SECISBP2: variants seen among roughly 807,000 people sequenced by gnomAD.
SECISBP2 encodes selenocysteine insertion sequence-binding protein 2.
SECISBP2 carries 96 observed loss-of-function variants against 98.2 expected under a neutral mutation model. The ratio of observed to expected loss-of-function variants is 0.98; its 90% CI spans 0.83 to 1.16. The LOEUF is 1.16. Ranked by LOEUF, SECISBP2 falls within the 50% of genes most tolerant of loss-of-function variation. The probability of loss-of-function intolerance (pLI) is 0.00; values close to 1 mark genes in which losing one functional copy is unlikely to be tolerated. For missense variants in SECISBP2, 1,046 were observed against 1,022.9 expected (o/e 1.02, Z -0.31); for synonymous variants, 407 against 370.2 (o/e 1.10, Z -1.14).
chr9:89,336,645 A>G (rs541364636), intron 7 of SECISBP2, among the ~76,000 whole-genome samples: 1 of 151,210 alleles, frequency 6.6e-6, no homozygotes, highest in African/African-American at 2.4e-5. Flanking sequence ...CAGTATGTGT[A>G]AGGGAGAGAC....
intron 4 of SECISBP2, among the ~76,000 whole-genome samples, chr9:89,327,205 G>T (rs867390673): frequency 2.0e-5 from 3 of 152,088 alleles, no homozygotes; most frequent in South Asian, 2.1e-4. Context: ...CCCGTATAGG[G>T]CACTTACCAT....
intron 2 of SECISBP2, among the ~76,000 whole-genome samples, chr9:89,320,845 T>A (rs1347271204): frequency 1.3e-5 from 2 of 152,108 alleles, no homozygotes; most frequent in Non-Finnish European, 2.9e-5. Context: ...TTGCATCAGG[T>A]GTAGTTCTAA....
intron 2 of SECISBP2, among the ~76,000 whole-genome samples, chr9:89,321,959 A>C (rs1343717034): frequency 6.6e-6 from 1 of 152,222 alleles, no homozygotes; most frequent in Non-Finnish European, 1.5e-5. Context: ...TTTCTGAAAC[A>C]ACTATTTCCT....
downstream of SECISBP2, chr9:89,361,085 G>A (rs188433997): frequency 1.3e-5 from 2 of 152,332 alleles, no homozygotes; most frequent in Admixed American, 1.3e-4. Context: ...GAAAACTTCA[G>A]GTTATGAGTA....
intron 10 of SECISBP2, 51 bp from the exon 11 acceptor site, chr9:89,346,831 G>A: frequency 6.2e-7 from 1 of 1,610,602 alleles, no homozygotes. Flanking sequence ...CCAAGAGCTG[G>A]GTGGGGCATC....
chr9:89,348,176 G>A lies in SECISBP2; in HGVS notation c.1700G>A (p.Gly567Asp), dbSNP rs779696553. The A allele has an allele frequency of 6.2e-7, 1 of 1,614,184 alleles. No individual in the cohort carries two copies. The highest frequency in any genetic ancestry group is 2.2e-5 in the East Asian group (1 of 44,896). ...GATGACACACAAGATGGAGAGAGTG[G>A]TGGTGATGACCAGTTTCCCGAGCAG... ...TSDDTQDGESGGDDQFPEQAE... is the reference protein window; with the variant it reads ...TSDDTQDGESDGDDQFPEQAE... Residue 567 changes from glycine to aspartate, a missense_variant, in exon 12 of 17, where the codon GGT (glycine) becomes GAT (aspartate). Transcript: ENST00000375807.
At chr9:89,322,355 T>G (rs1204881108) in intron 2 of SECISBP2, 2 of 152,266 alleles carry the variant, frequency 1.3e-5, no homozygotes, top group African/African-American at 2.4e-5. Flanking sequence ...TGTTACATCC[T>G]TTGTGAAAAA....
chr9:89,319,570 G>A (rs1280409623), intron 1 of SECISBP2, 82 bp from the exon 2 acceptor site: 1 of 1,503,190 alleles, frequency 6.7e-7, no homozygotes, highest in African/African-American at 1.4e-5. Flanking sequence ...GGGCTATTAG[G>A]AACACCTCTT....
At chr9:89,318,984 C>T (rs1587826847) in intron 1 of SECISBP2, 2 of 1,072,390 alleles carry the variant, frequency 1.9e-6, no homozygotes, top group Non-Finnish European at 2.3e-6. Context: ...CGTCATTCTC[C>T]GCTCTACGTA....
chr9:89,345,001 T>C (rs1830220732), intron 10 of SECISBP2, among the ~76,000 whole-genome samples: 1 of 152,240 alleles, frequency 6.6e-6, no homozygotes, highest in Non-Finnish European at 1.5e-5. Context: ...TCTGGTAGTA[T>C]TTCTTCTGGA....
downstream of SECISBP2, among the ~76,000 whole-genome samples, chr9:89,362,768 G>A (rs762630075): frequency 2.0e-5 from 3 of 152,252 alleles, no homozygotes; most frequent in South Asian, 2.1e-4. Context: ...TGGCAGCCAC[G>A]TAACCCACAC....
At chr9:89,334,275 C>A in intron 6 of SECISBP2, 2 of 1,091,642 alleles carry the variant, frequency 1.8e-6, no homozygotes, top group Non-Finnish European at 2.5e-6. Context: ...CCTCCAACCC[C>A]CAGGTTAAAA....
At chr9:89,321,151 G>A (rs1212157697) in intron 2 of SECISBP2, among the ~76,000 whole-genome samples, 1 of 152,230 alleles carries the variant, frequency 6.6e-6, no homozygotes, top group East Asian at 1.9e-4. Context: ...GTAAAGGGGA[G>A]TTTGGCATGG....
At chr9:89,349,682 G>T in intron 12 of SECISBP2, 94 bp from the exon 13 acceptor site, 1 of 1,318,090 alleles carries the variant, frequency 7.6e-7, no homozygotes, top group South Asian at 1.2e-5. Flanking sequence ...GTGTGCAGGG[G>T]TCTGGTTGCA....
At chr9:89,319,620 G>A (rs866219338) in intron 1 of SECISBP2, 32 bp from the exon 2 acceptor site, 1 of 1,613,236 alleles carries the variant, frequency 6.2e-7, no homozygotes, top group African/African-American at 1.3e-5. Flanking sequence ...ATCTCTGAAT[G>A]TTTGTGGCCA....
At chr9:89,361,334 A>AAAAC, downstream of SECISBP2, 1 of 152,396 alleles carries the variant, frequency 6.6e-6, no homozygotes, top group South Asian at 2.1e-4. Flanking sequence ...GAGGGGATGC[A>AAAAC]AAACAGGTCA....
rs1829080656 is a variant in SECISBP2 at position 89,338,185 on chromosome 9, A to G, written c.1090-273A>G. Reference sequence around the variant, plus strand: ...TGGGATCAGGAAGGTCACGAACACCATGATCTCCTCAAGCTGAAAACTAGG... The same window carrying G: ...TGGGATCAGGAAGGTCACGAACACCGTGATCTCCTCAAGCTGAAAACTAGG... On this transcript the variant is annotated intron_variant, in intron 7 of 16. Transcript: ENST00000375807. 2.0e-5 allele frequency among the ~76,000 whole-genome samples: 3 copies of G among 152,230 alleles called. No individual in the cohort carries two copies. The South Asian group carries it at 6.2e-4, about 31-fold the overall frequency.
rs1490208165 is a variant in SECISBP2 at position 89,352,171 on chromosome 9, CTA to C, written c.2113+1324_2113+1325del. Among the ~76,000 whole-genome samples the C allele has an allele frequency of 5.9e-5, 9 of 152,176 alleles. No individual in the cohort carries two copies. The East Asian group carries it at 1.7e-3, about 29-fold the overall frequency. On this transcript the variant is annotated intron_variant, in intron 14 of 16. Transcript: ENST00000375807. ...TGTTTTGTGGTGGTTGCTTAATTGT[CTA>C]TATACTTAGCATTAATGAAACCTCA...
chr9:89,363,376 G>A, downstream of SECISBP2: 16 of 1,598,852 alleles, frequency 1.0e-5, no homozygotes, highest in South Asian at 1.5e-4. Flanking sequence ...GATGTGGCAG[G>A]TGCCCTGCCC....
Sources: allele counts gnomAD v4.1 joint callset (sites outside exome capture counted in the v4.1 genomes callset), GRCh38; gene constraint gnomAD v4.1.1; transcripts MANE v1.5; gene names NCBI Gene and HGNC (gene_info 2026-07-23, HGNC 2026-07-21).